CD36: variants seen among roughly 807,000 people sequenced by gnomAD.
CD36 encodes the protein platelet glycoprotein 4.
In CD36, 119 loss-of-function variants were observed where a neutral mutation model predicts 55.2. That is an observed-to-expected ratio of 2.15 (90% CI 1.86 to 2.51). CD36 has a LOEUF of 2.51. CD36 is among the 30% of genes most tolerant of loss of function. The probability of loss-of-function intolerance (pLI) is 0.00; values close to 1 mark genes in which losing one functional copy is unlikely to be tolerated. For synonymous variants in CD36, 186 were observed against 193.6 expected (o/e 0.96, Z 0.33); for missense variants, 819 against 555.5 (o/e 1.47, Z -4.77).
At chr7:80,603,199 G>T (rs897569600) in intron 1 of CD36, among the ~76,000 whole-genome samples, 1 of 152,046 alleles carries the variant, frequency 6.6e-6, no homozygotes, top group East Asian at 1.9e-4. Flanking sequence ...GTCAACTTAA[G>T]TTATGCATAT....
At chr7:80,673,617 A>ATTAAACACAT (rs1797948601) in intron 13 of CD36, 2 of 570,278 alleles carry the variant, frequency 3.5e-6, no homozygotes, top group South Asian at 4.6e-5. Flanking sequence ...AAATGCATCT[A>ATTAAACACAT]TTAAACACAT....
chr7:80,645,910 T>TA (rs1296597843), intron 1 of CD36, among the ~76,000 whole-genome samples, 178 bp from the exon 2 acceptor site: 1 of 152,194 alleles, frequency 6.6e-6, no homozygotes, highest in Non-Finnish European at 1.5e-5. Context: ...ACTCTTATTT[T>TA]AAAAATTCCA....
intron 13 of CD36, 94 bp downstream of exon 13, chr7:80,673,503 A>G (rs1562827397): frequency 1.4e-5 from 11 of 807,276 alleles, no homozygotes; most frequent in Non-Finnish European, 2.0e-5. Context: ...ATTTAAAGCT[A>G]TATGTATTTC....
intron 1 of CD36, among the ~76,000 whole-genome samples, chr7:80,605,522 A>G (rs946259683): frequency 1.1e-4 from 17 of 152,172 alleles, no homozygotes; most frequent in Non-Finnish European, 2.1e-4. Flanking sequence ...AGTGACAGTT[A>G]TATTTCCAGA....
intron 3 of CD36, among the ~76,000 whole-genome samples, chr7:80,649,074 G>A (rs1235922789): frequency 6.6e-6 from 1 of 152,086 alleles, no homozygotes. Flanking sequence ...TGTAAGATAT[G>A]ATAAAACCTG....
intron 4 of CD36, among the ~76,000 whole-genome samples, chr7:80,657,878 A>G (rs1376048912): frequency 2.6e-5 from 4 of 152,156 alleles, no homozygotes; most frequent in Non-Finnish European, 5.9e-5. Flanking sequence ...GATTTTTTAT[A>G]ATTTGTAGTT....
chr7:80,665,773 G>A (rs965286126), intron 7 of CD36: 4 of 152,074 alleles, frequency 2.6e-5, no homozygotes, highest in Non-Finnish European at 5.9e-5. Context: ...ACTGTCAGGA[G>A]TGGAAAAAAA....
At chr7:80,671,409 G>T (rs531406722) in intron 10 of CD36, among the ~76,000 whole-genome samples, 9 of 152,196 alleles carry the variant, frequency 5.9e-5, no homozygotes, top group African/African-American at 1.9e-4. Flanking sequence ...ATTTTGGGAA[G>T]ATCCCACTTG....
At chr7:80,673,330 T>A in intron 12 of CD36, 25 bp from the exon 13 acceptor site, 1 of 1,066,342 alleles carries the variant, frequency 9.4e-7, no homozygotes, top group South Asian at 1.4e-5. Flanking sequence ...TATATGTTCA[T>A]AATTATTTTC....
Position 80,668,878 on chromosome 7 carries a change from A to T in CD36, c.749-1075A>T, listed in dbSNP as rs535246632. On this transcript the variant is annotated intron_variant, in intron 8 of 14. Transcript: ENST00000447544. ...ATGACGGCTCGTATTAGTGATATTC[A>T]TGTGAGAAGTACATGGAGGAGTTAA... Among the ~76,000 whole-genome samples, 4 of 152,348 alleles carry T rather than the reference A, an allele frequency of 2.6e-5. No individual in the cohort carries two copies. The East Asian group carries it at 7.7e-4, about 29-fold the overall frequency.
chr7:80,673,726 T>C, intron 13 of CD36: 2 of 570,746 alleles, frequency 3.5e-6, no homozygotes, highest in Non-Finnish European at 6.2e-6. Flanking sequence ...ATTGAATAAG[T>C]CTTTGGAGCA....
In CD36 at chr7:80,671,990, G is replaced by T. The variant is rs981228197; in HGVS notation, c.1075G>T (p.Gly359Ter). The T allele has an allele frequency of 2.5e-6, 4 of 1,608,660 alleles. No homozygotes were observed. In the African/African-American group the frequency reaches 5.3e-5, roughly 21 times the overall value. Residue 359 changes from glycine to a stop codon, truncating the protein, a stop_gained, in exon 11 of 15, where the codon GGA becomes TGA. Transcript: ENST00000447544. LOFTEE classifies it high-confidence loss of function. ...TCCTGATGTTTCAGAACCTATTGAT[G>T]GATTAAACCCAAATGAAGAAGAACA... The part of the protein sequence containing the change: ...ASPDVSEPID[G>*]LNPNEEEHRT...
chr7:80,602,440 C>CGA (rs1792290819), intron 1 of CD36: 1 of 152,072 alleles, frequency 6.6e-6, no homozygotes, highest in Admixed American at 6.6e-5. Flanking sequence ...TTGATGCACT[C>CGA]TCATCTAGTA....
chr7:80,637,651 G>A (rs1329886997), upstream of CD36, among the ~76,000 whole-genome samples: 1 of 151,808 alleles, frequency 6.6e-6, no homozygotes, highest in Non-Finnish European at 1.5e-5. Context: ...GACAGCACGA[G>A]CATTCTAACT....
intron 3 of CD36, among the ~76,000 whole-genome samples, chr7:80,652,300 T>C (rs1795688728): frequency 1.3e-5 from 2 of 152,194 alleles, no homozygotes; most frequent in African/African-American, 4.8e-5. Context: ...ACAACATAGT[T>C]TACTTTTCAT....
intron 1 of CD36, among the ~76,000 whole-genome samples, chr7:80,621,264 T>TTG (rs1793456254): frequency 6.6e-6 from 1 of 152,200 alleles, no homozygotes; most frequent in Non-Finnish European, 1.5e-5. Flanking sequence ...GAAACAAAAT[T>TTG]TGTGTGACTC....
intron 1 of CD36, among the ~76,000 whole-genome samples, chr7:80,621,395 T>C (rs932254924): frequency 6.6e-6 from 1 of 152,196 alleles, no homozygotes; most frequent in African/African-American, 2.4e-5. Context: ...TTTCTAGTGT[T>C]ATCTCATCTG....
chr7:80,653,257 G>A (rs1795764462), intron 3 of CD36, among the ~76,000 whole-genome samples: 1 of 152,158 alleles, frequency 6.6e-6, no homozygotes, highest in African/African-American at 2.4e-5. Context: ...TAAAGTCCTT[G>A]AAAAGTGAAA....
At chr7:80,617,367 C>T (rs575320994) in intron 1 of CD36, among the ~76,000 whole-genome samples, 1 of 151,818 alleles carries the variant, frequency 6.6e-6, no homozygotes, top group African/African-American at 2.4e-5. Flanking sequence ...CATGTGTACC[C>T]CTGAACTTAA....
Sources: allele counts gnomAD v4.1 joint callset (sites outside exome capture counted in the v4.1 genomes callset), GRCh38; gene constraint gnomAD v4.1.1; transcripts MANE v1.5; gene names NCBI Gene and HGNC (gene_info 2026-07-23, HGNC 2026-07-21).